The following RPS19 variants were observed in gnomAD, a reference collection of about 807,000 sequenced individuals.
The protein encoded by RPS19 is small ribosomal subunit protein eS19.
In RPS19, 1 loss-of-function variant was observed where a neutral mutation model predicts 20.3. The ratio of observed to expected loss-of-function variants is 0.05; its 90% CI spans 0.02 to 0.23. The LOEUF (loss-of-function observed/expected upper bound fraction) is 0.23, where lower values mean the gene tolerates loss of function less well. Ranked by LOEUF, RPS19 falls within the 10% of genes least tolerant of loss-of-function variation. The pLI is 1.00. For synonymous variants in RPS19, 87 were observed against 74.8 expected (o/e 1.16, Z -0.84); for missense variants, 111 against 192.7 (o/e 0.58, Z 2.51).
chr19:41,865,066 G>A (rs2074070921), intron 3 of RPS19, among the ~76,000 whole-genome samples: 1 of 152,146 alleles, frequency 6.6e-6, no homozygotes, highest in African/African-American at 2.4e-5. Flanking sequence ...CATGCCAAAA[G>A]GTTTTTATAC....
chr19:41,860,869 A>G (rs782434574), intron 2 of RPS19, 24 bp downstream of exon 2: 56 of 1,597,262 alleles, frequency 3.5e-5, no homozygotes, highest in Non-Finnish European at 4.5e-5. Context: ...CTGAGGTTCA[A>G]AACGGGTGGA....
chr19:41,869,018 A>T lies in RPS19; in HGVS notation c.173-13A>T. 1 of 1,613,338 alleles carries T rather than the reference A, an allele frequency of 6.2e-7. No individual in the cohort carries two copies. Among genetic ancestry groups the T allele is most frequent in the Non-Finnish European group, 8.5e-7 (1 of 1,179,688 alleles). On this transcript the variant is annotated splice_polypyrimidine_tract_variant and intron_variant, in intron 3 of 5. Transcript: ENST00000598742. ...ATCAAGACCCTTAAATCTCCCTCTC[A>T]CACTACCCCCAGCTTCCACAGCGCG...
At chr19:41,861,745 C>T (rs1555839336) in intron 3 of RPS19, 8 of 174,342 alleles carry the variant, frequency 4.6e-5, no homozygotes. Flanking sequence ...TCAAGTTAGC[C>T]TTCTCCATAT....
rs140630826 is a variant in RPS19, at chr19:41,872,849, C to T, written c.*1472C>T. 1 of 152,058 alleles carries T rather than the reference C, an allele frequency of 6.6e-6. No homozygotes were observed. Among genetic ancestry groups the T allele is most frequent in the Non-Finnish European group, 1.5e-5 (1 of 68,004 alleles). The allele number at this position is 152,058 out of a possible 1,614,324, so 9.4% of individuals were successfully genotyped here. A position where few individuals can be genotyped will look rare whatever the true frequency, so the allele number is the denominator to read the frequency against. On this transcript the variant is annotated 3_prime_UTR_variant, in exon 6 of 6. Coordinates refer to ENST00000598742, the MANE Select transcript of RPS19 (RefSeq NM_001022.4). ...GGCGGAGGTTGCAGTGGGTTGAGAT[C>T]GAGCAATTGCAATCCAGCCTGGGCA...
intron 3 of RPS19, among the ~76,000 whole-genome samples, chr19:41,867,681 T>G (rs1555840990): frequency 6.6e-6 from 1 of 152,188 alleles, no homozygotes; most frequent in East Asian, 1.9e-4. Flanking sequence ...GGCACATACT[T>G]ATAGTCCCAG....
At position 41,872,223 on chromosome 19, in the gene RPS19, GCAGCTGTCCGAC is replaced by G; in HGVS notation, c.*848_*859del. On this transcript the variant is annotated 3_prime_UTR_variant, in exon 6 of 6. Transcript: ENST00000598742. The stretch of plus-strand genomic sequence containing the variant: ...GGGAGATCCAAATAGCACCCAGTGG[GCAGCTGTCCGAC>G]CCCTGGAGGGGCAAGCCAGGAAAGA... The G allele has an allele frequency of 6.6e-6, 1 of 152,422 alleles. No homozygotes were observed. The highest frequency in any genetic ancestry group is 2.1e-4 in the South Asian group (1 of 4,834). 9.4% of individuals were successfully genotyped at this position (152,422 alleles called of 1,614,324 possible). A position where few individuals can be genotyped will look rare whatever the true frequency, so the allele number is the denominator to read the frequency against.
At chr19:41,863,546 A>G (rs1309798592) in intron 3 of RPS19, among the ~76,000 whole-genome samples, 1 of 152,194 alleles carries the variant, frequency 6.6e-6, no homozygotes, top group African/African-American at 2.4e-5. Context: ...AGTGTGCTAA[A>G]GCAGCGCCCT....
At chr19:41,869,826 C>A in intron 5 of RPS19, 73 bp downstream of exon 5, 1 of 1,493,766 alleles carries the variant, frequency 6.7e-7, no homozygotes, top group South Asian at 1.1e-5. Flanking sequence ...CATACTTTGT[C>A]AGGTAGACTT....
intron 3 of RPS19, among the ~76,000 whole-genome samples, chr19:41,866,809 G>A (rs1028741183): frequency 6.6e-6 from 1 of 152,074 alleles, no homozygotes; most frequent in Non-Finnish European, 1.5e-5. Context: ...GAGGTCAGGA[G>A]ATTGAGACCA....
chr19:41,860,880 G>C lies in RPS19; in HGVS notation c.71+35G>C, dbSNP rs2074022037. The C allele has an allele frequency of 1.9e-6, 3 of 1,577,304 alleles. No individual in the cohort carries two copies. The Admixed American group carries it at 5.0e-5, about 26-fold the overall frequency. On this transcript the variant is annotated intron_variant, in intron 2 of 5. Transcript: ENST00000598742. ...GGGACTGAGGTTCAAAACGGGTGGA[G>C]GCTGTCGCCTTGGCCTGCCCATCTG...
intron 3 of RPS19, chr19:41,864,824 A>G (rs2074068138): frequency 6.6e-6 from 1 of 152,220 alleles, no homozygotes; most frequent in Non-Finnish European, 1.5e-5. Flanking sequence ...AGTACCAGCT[A>G]CGGCGGTCTG....
chr19:41,869,518 G>C, intron 4 of RPS19, 181 bp from the exon 5 acceptor site: 1 of 642,162 alleles, frequency 1.6e-6, no homozygotes, highest in Non-Finnish European at 2.7e-6. Flanking sequence ...CACCCCGTCA[G>C]CTCCCAGGGG....
intron 1 of RPS19, 141 bp from the exon 2 acceptor site, chr19:41,860,634 C>A: frequency 1.3e-6 from 1 of 780,496 alleles, no homozygotes; most frequent in South Asian, 1.4e-5. Flanking sequence ...GAGCCGGAGC[C>A]CGGCGTTGAA....
intron 3 of RPS19, among the ~76,000 whole-genome samples, chr19:41,862,393 T>C (rs1555839457): frequency 1.3e-5 from 2 of 152,114 alleles, no homozygotes; most frequent in African/African-American, 4.8e-5. Context: ...TACCCACCGT[T>C]TGTTTTAGAC....
chr19:41,867,598 C>T (rs1339304470), intron 3 of RPS19, among the ~76,000 whole-genome samples: 4 of 152,256 alleles, frequency 2.6e-5, no homozygotes, highest in Admixed American at 2.6e-4. Flanking sequence ...AGGCGTGAGC[C>T]ACTGCGCCCG....
chr19:41,860,393 T>C (rs1460687729), intron 1 of RPS19, 104 bp downstream of exon 1: 1 of 176,376 alleles, frequency 5.7e-6, no homozygotes, highest in Non-Finnish European at 1.2e-5. Flanking sequence ...CGCGGGCCCG[T>C]CCCGCCCCCT....
At chr19:41,860,689 T>C (rs2074018827) in intron 1 of RPS19, 86 bp from the exon 2 acceptor site, 2 of 1,014,322 alleles carry the variant, frequency 2.0e-6, no homozygotes, top group Admixed American at 3.4e-5. Context: ...TAGGATGCGC[T>C]GGAGCGAAAG....
chr19:41,868,482 G>A (rs1555841151), intron 3 of RPS19, among the ~76,000 whole-genome samples: 1 of 152,234 alleles, frequency 6.6e-6, no homozygotes. Context: ...AGGCTGGTGT[G>A]TCGACTGGAT....
At chr19:41,860,569 T>C (rs1220032763) in intron 1 of RPS19, 2 of 638,626 alleles carry the variant, frequency 3.1e-6, no homozygotes, top group African/African-American at 3.6e-5. Context: ...GGCCGGGCTC[T>C]GTTAGTGCGA....
Sources: gnomAD v4.1 joint callset for allele counts (sites outside exome capture counted in the v4.1 genomes callset) on GRCh38, gnomAD v4.1.1 for gene constraint, MANE v1.5 for transcripts, NCBI Gene and HGNC (gene_info 2026-07-23, HGNC 2026-07-21) for gene names.